The following CFAP47 variants were observed in gnomAD, a reference collection of about 807,000 sequenced individuals.
The protein encoded by CFAP47 is cilia- and flagella-associated protein 47.
Under a neutral mutation model 148.1 loss-of-function variants are expected in CFAP47, and 29 were observed. The ratio of observed to expected loss-of-function variants is 0.20; its 90% CI spans 0.15 to 0.27. CFAP47 has a LOEUF of 0.27. CFAP47 is among the 10% of genes least tolerant of loss of function. The probability of loss-of-function intolerance (pLI) is 1.00; values close to 1 mark genes in which losing one functional copy is unlikely to be tolerated. For synonymous variants in CFAP47, 664 were observed against 577.3 expected, an observed-to-expected ratio of 1.15 and a Z score of -2.15; for missense variants, 1,872 against 1,697.5, an observed-to-expected ratio of 1.10 and a Z score of -1.81.
chrX:36,370,970 T>G (rs781913900), intron 62 of CFAP47, among the ~76,000 whole-genome samples: 16 of 111,412 alleles, frequency 1.4e-4, no homozygotes, highest in Non-Finnish European at 2.6e-4. Context: ...CTCTGTTTCC[T>G]AAATTAAATA....
At chrX:35,967,024 A>C (rs933438726) in intron 9 of CFAP47, among the ~76,000 whole-genome samples, 2 of 110,567 alleles carry the variant, frequency 1.8e-5, no homozygotes, top group Non-Finnish European at 3.8e-5. Context: ...ATTGGCTTAC[A>C]TCCCAGCAAT....
chrX:36,340,997 A>T (rs2146978580), intron 57 of CFAP47, among the ~76,000 whole-genome samples: 1 of 110,058 alleles, frequency 9.1e-6, no homozygotes, highest in Admixed American at 9.7e-5. Flanking sequence ...AAGCAAAAAT[A>T]ATAGTACTAC....
intron 35 of CFAP47, among the ~76,000 whole-genome samples, chrX:36,141,007 ATGAGTAG>A (rs968507216): frequency 9.0e-6 from 1 of 110,764 alleles, no homozygotes; most frequent in African/African-American, 3.3e-5. Context: ...ACATAATTTA[ATGAGTAG>A]TGATTGGAGC....
intron 29 of CFAP47, among the ~76,000 whole-genome samples, chrX:36,075,595 T>C (rs1296506612): frequency 1.8e-5 from 2 of 111,707 alleles, no homozygotes; most frequent in East Asian, 5.6e-4. Context: ...TACATGCATA[T>C]ATTGTGTGAT....
chrX:36,173,218 C>T (rs1939611758), intron 39 of CFAP47, among the ~76,000 whole-genome samples: 1 of 111,423 alleles, frequency 9.0e-6, no homozygotes, highest in African/African-American at 3.3e-5. Context: ...TGCTAGCAGT[C>T]TATCAATTTT....
chrX:36,132,023 T>C (rs1938957174), intron 33 of CFAP47, among the ~76,000 whole-genome samples: 1 of 103,402 alleles, frequency 9.7e-6, no homozygotes, highest in African/African-American at 4.3e-5. Context: ...TATATCTCAA[T>C]ATAACTTTTA....
intron 42 of CFAP47, 51 bp downstream of exon 42, chrX:36,190,247 G>A (rs1239694525): frequency 3.4e-6 from 1 of 293,483 alleles, no homozygotes; most frequent in Non-Finnish European, 5.9e-6. Flanking sequence ...CACTTTAATG[G>A]AGTAACGAAC....
At chrX:36,245,471 A>G (rs191506264) in intron 48 of CFAP47, among the ~76,000 whole-genome samples, 2 of 112,147 alleles carry the variant, frequency 1.8e-5, no homozygotes, top group African/African-American at 3.2e-5. Context: ...AAGAAATGAT[A>G]AAAAAACTTT....
intron 2 of CFAP47, among the ~76,000 whole-genome samples, chrX:35,940,664 CG>C (rs1054272163): frequency 4.4e-4 from 49 of 110,857 alleles, no homozygotes; most frequent in African/African-American, 1.3e-3. Flanking sequence ...CTCTCTCCCC[CG>C]CTCTCTCTCT....
chrX:36,347,354 T>A (rs6632579), intron 57 of CFAP47, among the ~76,000 whole-genome samples: 36,402 of 110,879 alleles, frequency 0.33, 7,026 homozygotes, highest in African/African-American at 0.73. Context: ...TAGCTCAACC[T>A]TTGTGGACGA....
chrX:35,986,959 C>T (rs944769425), intron 15 of CFAP47, among the ~76,000 whole-genome samples: 7 of 111,569 alleles, frequency 6.3e-5, no homozygotes, highest in Admixed American at 9.5e-5. Context: ...AAAATTGCTG[C>T]CTGCTCCTTC....
intron 49 of CFAP47, among the ~76,000 whole-genome samples, chrX:36,269,670 A>G (rs1286136689): frequency 8.9e-6 from 1 of 112,116 alleles, no homozygotes; most frequent in African/African-American, 3.2e-5. Context: ...TATAATTGAG[A>G]TACAATAAAT....
At chrX:36,323,487 AC>A (rs1391459340) in intron 57 of CFAP47, among the ~76,000 whole-genome samples, 23 of 111,341 alleles carry the variant, frequency 2.1e-4, no homozygotes, top group African/African-American at 7.2e-4. Flanking sequence ...CTAAACTTGC[AC>A]CTTCTAATTT....
chrX:36,242,169 C>T (rs1555996134), intron 48 of CFAP47, among the ~76,000 whole-genome samples: 3 of 112,138 alleles, frequency 2.7e-5, no homozygotes. Flanking sequence ...ACAAAGCAAA[C>T]TGACTATACC....
intron 57 of CFAP47, among the ~76,000 whole-genome samples, chrX:36,319,792 T>G (rs782344239): frequency 6.2e-4 from 69 of 111,233 alleles, no homozygotes; most frequent in African/African-American, 2.1e-3. Flanking sequence ...TGTTTGGTTT[T>G]GTTTTGTTTT....
intron 3 of CFAP47, among the ~76,000 whole-genome samples, chrX:35,942,155 A>T (rs1223417353): frequency 1.8e-5 from 2 of 111,016 alleles, no homozygotes; most frequent in African/African-American, 3.3e-5. Context: ...GGGTTGCAAG[A>T]TTGCCATTTC....
rs376310097 is a variant in CFAP47 at position 36,355,672 on chromosome X, A to G, written c.8851+1991A>G. Among the ~76,000 whole-genome samples the G allele has an allele frequency of 1.4e-4, 16 of 111,777 alleles. No homozygotes were observed. In the East Asian group the frequency reaches 2.5e-3, roughly 18 times the overall value. Reference sequence around the variant, plus strand: ...GAAATACTCAATCTCATAGAAGCAGAATAATATGGAATAATAGTTGCTAGG... The same window carrying G: ...GAAATACTCAATCTCATAGAAGCAGGATAATATGGAATAATAGTTGCTAGG... On this transcript the variant is annotated intron_variant, in intron 60 of 63. Coordinates refer to ENST00000378653, the MANE Select transcript of CFAP47 (RefSeq NM_001304548.2).
chrX:35,960,380 G>GGAAAAAAAAAAAAAAAA (rs1227681980), intron 8 of CFAP47, among the ~76,000 whole-genome samples: 4 of 15,489 alleles, frequency 2.6e-4, no homozygotes, highest in African/African-American at 1.0e-3. Context: ...GCTAATTTCT[G>GGAAAAAAAAAAAAAAAA]AAAAAAAAAA....
At chrX:35,938,985 G>A (rs772404505) in intron 2 of CFAP47, among the ~76,000 whole-genome samples, 2 of 111,516 alleles carry the variant, frequency 1.8e-5, no homozygotes, top group African/African-American at 3.3e-5. Flanking sequence ...CCAAAGCAAT[G>A]CATCACCATT....
Sources: allele counts gnomAD v4.1 joint callset (sites outside exome capture counted in the v4.1 genomes callset), GRCh38; gene constraint gnomAD v4.1.1; transcripts MANE v1.5; gene names NCBI Gene and HGNC (gene_info 2026-07-23, HGNC 2026-07-21).